The following XKR4 variants were observed in gnomAD, a reference collection of about 807,000 sequenced individuals.
The protein encoded by XKR4 is XK related 4, also known as XK-related protein 4.
Under a neutral mutation model 53.9 loss-of-function variants are expected in XKR4, and 12 were observed. The ratio of observed to expected loss-of-function variants is 0.22; its 90% CI spans 0.14 to 0.36. The LOEUF is 0.36. XKR4 is among the 10% of genes least tolerant of loss of function. XKR4 has a pLI of 1.00. For synonymous variants in XKR4, 354 were observed against 362.4 expected (o/e 0.98, Z 0.26); for missense variants, 799 against 859.5 (o/e 0.93, Z 0.88).
At chr8:55,371,014 G>C (rs922437811) in intron 2 of XKR4, among the ~76,000 whole-genome samples, 1 of 151,168 alleles carries the variant, frequency 6.6e-6, no homozygotes, top group Non-Finnish European at 1.5e-5. Flanking sequence ...AACCTTATTA[G>C]AAGTCAATGT....
chr8:55,186,954 G>GA (rs1817387516), intron 1 of XKR4, among the ~76,000 whole-genome samples: 4 of 152,132 alleles, frequency 2.6e-5, no homozygotes, highest in African/African-American at 9.6e-5. Flanking sequence ...AATTATGATG[G>GA]AAGATAAACC....
chr8:55,412,849 C>A (rs1785203681), intron 2 of XKR4, among the ~76,000 whole-genome samples: 2 of 152,164 alleles, frequency 1.3e-5, no homozygotes, highest in Admixed American at 1.3e-4. Flanking sequence ...TCCTGATGAA[C>A]AATGGAGGGA....
rs1807041705 is a variant in XKR4 at position 55,537,169 on chromosome 8, A to C, written c.*12942A>C. 1 of 152,198 alleles carries C rather than the reference A, an allele frequency of 6.6e-6. No homozygotes were observed. The highest frequency in any genetic ancestry group is 1.5e-5 in the Non-Finnish European group (1 of 68,036). 9.4% of individuals were successfully genotyped at this position (152,198 alleles called of 1,614,324 possible). ...ATGTCATGCCAATTTCCAAGCACCA[A>C]CTGGTTACCACAAACATGGGAATAT... On this transcript the variant is annotated 3_prime_UTR_variant, in exon 3 of 3. Transcript: ENST00000327381.
chr8:55,367,682 C>T (rs1438825611), intron 2 of XKR4, among the ~76,000 whole-genome samples: 2 of 152,166 alleles, frequency 1.3e-5, no homozygotes, highest in African/African-American at 2.4e-5. Context: ...AGTATCTCAA[C>T]GTGACTTTAA....
chr8:55,111,808 T>C (rs1379725719), intron 1 of XKR4, among the ~76,000 whole-genome samples: 1 of 152,184 alleles, frequency 6.6e-6, no homozygotes, highest in Non-Finnish European at 1.5e-5. Flanking sequence ...ATCCATTATG[T>C]CAATGAGAAA....
intron 1 of XKR4, among the ~76,000 whole-genome samples, chr8:55,124,877 G>C (rs1816440019): frequency 6.6e-6 from 1 of 152,080 alleles, no homozygotes; most frequent in African/African-American, 2.4e-5. Context: ...AAGCTAGATG[G>C]AGATTTCTAA....
chr8:55,521,631 G>A (rs1383066626), intron 2 of XKR4, among the ~76,000 whole-genome samples: 1 of 152,116 alleles, frequency 6.6e-6, no homozygotes, highest in Non-Finnish European at 1.5e-5. Context: ...GGCTTTATTG[G>A]GAGGAAATAT....
chr8:55,317,209 C>A (rs1009717811), intron 1 of XKR4, among the ~76,000 whole-genome samples: 1 of 152,066 alleles, frequency 6.6e-6, no homozygotes, highest in Admixed American at 6.5e-5. Flanking sequence ...AAATATTTAC[C>A]TAAATTACTT....
intron 1 of XKR4, among the ~76,000 whole-genome samples, chr8:55,264,897 T>C (rs1284301701): frequency 1.3e-5 from 2 of 152,244 alleles, no homozygotes; most frequent in African/African-American, 4.8e-5. Context: ...GACTTGGGGA[T>C]ATATGGGAAG....
At chr8:55,458,740 C>A (rs1235042027) in intron 2 of XKR4, among the ~76,000 whole-genome samples, 1 of 152,202 alleles carries the variant, frequency 6.6e-6, no homozygotes, top group East Asian at 1.9e-4. Flanking sequence ...CCTCTGAAGT[C>A]AAGCTGCTTC....
chr8:55,463,012 A>T (rs1414593979), intron 2 of XKR4, among the ~76,000 whole-genome samples: 1 of 152,198 alleles, frequency 6.6e-6, no homozygotes, highest in Non-Finnish European at 1.5e-5. Flanking sequence ...TTACACTCCC[A>T]CACTATAATA....
chr8:55,141,643 G>T (rs1278581814), intron 1 of XKR4, among the ~76,000 whole-genome samples: 1 of 45,758 alleles, frequency 2.2e-5, no homozygotes, highest in Non-Finnish European at 4.3e-5. Flanking sequence ...TGGTGCTTCT[G>T]CTTCTCTCTC....
intron 1 of XKR4, among the ~76,000 whole-genome samples, chr8:55,265,211 G>A (rs1392045962): frequency 6.6e-6 from 1 of 152,188 alleles, no homozygotes; most frequent in African/African-American, 2.4e-5. Flanking sequence ...ACCATCATCA[G>A]GACCACTAGC....
At chr8:55,446,404 C>T (rs772932707) in intron 2 of XKR4, among the ~76,000 whole-genome samples, 2 of 152,064 alleles carry the variant, frequency 1.3e-5, no homozygotes, top group Non-Finnish European at 2.9e-5. Flanking sequence ...TGCAGTGGTG[C>T]AATCTCAGCT....
At chr8:55,112,562 G>GT (rs761779642) in intron 1 of XKR4, among the ~76,000 whole-genome samples, 2,249 of 77,102 alleles carry the variant, frequency 0.029, 281 homozygotes, top group Middle Eastern at 0.065. Context: ...TACTTTTCAG[G>GT]TTTTTTTTTT....
Position 55,375,438 on chromosome 8 carries a change from G to A in XKR4, c.1006+17561G>A, listed in dbSNP as rs77505545. ...AATGGATGTGGACCAATTTAAACTC[G>A]TTTCACCTAACCTTGAGGTGAAATG... On this transcript the variant is annotated intron_variant, in intron 2 of 2. Coordinates refer to ENST00000327381, the MANE Select transcript of XKR4 (RefSeq NM_052898.2). Among the ~76,000 whole-genome samples the A allele has an allele frequency of 4.4e-3, 674 of 152,124 alleles. 6 individuals are homozygous for A. The highest frequency in any genetic ancestry group is 0.015 in the African/African-American group (627 of 41,498).
intron 1 of XKR4, among the ~76,000 whole-genome samples, chr8:55,192,212 TAATACA>T (rs1817451372): frequency 7.0e-6 from 1 of 143,018 alleles, no homozygotes; most frequent in Non-Finnish European, 1.5e-5. Context: ...TTAAGGGACT[TAATACA>T]ATTCTTACAA....
At chr8:55,299,833 T>A (rs1400188580) in intron 1 of XKR4, among the ~76,000 whole-genome samples, 1 of 152,034 alleles carries the variant, frequency 6.6e-6, no homozygotes, top group Non-Finnish European at 1.5e-5. Flanking sequence ...GTTTTGGACA[T>A]GGTACATTCG....
chr8:55,313,089 A>C (rs543718231), intron 1 of XKR4, among the ~76,000 whole-genome samples: 1 of 152,210 alleles, frequency 6.6e-6, no homozygotes, highest in East Asian at 1.9e-4. Flanking sequence ...TATATAAAGC[A>C]TCTATAATTC....
Sources: gnomAD v4.1 joint callset for allele counts (sites outside exome capture counted in the v4.1 genomes callset) on GRCh38, gnomAD v4.1.1 for gene constraint, MANE v1.5 for transcripts, NCBI Gene and HGNC (gene_info 2026-07-23, HGNC 2026-07-21) for gene names.